Variants in ENPP6 observed in about 807,000 individuals in gnomAD.
The protein encoded by ENPP6 is ectonucleotide pyrophosphatase/phosphodiesterase 6, also known as glycerophosphocholine cholinephosphodiesterase ENPP6.
In ENPP6, 32 loss-of-function variants were observed where a neutral mutation model predicts 42.0. The ratio of observed to expected loss-of-function variants is 0.76; its 90% CI spans 0.58 to 1.02. ENPP6 has a LOEUF of 1.02. ENPP6 is among the 50% of genes least tolerant of loss of function. The pLI, the probability that ENPP6 is intolerant of heterozygous loss-of-function variation, is 0.00. For synonymous variants in ENPP6, 213 were observed against 216.0 expected (o/e 0.99, Z 0.12); for missense variants, 552 against 566.8 (o/e 0.97, Z 0.27).
chr4:184,109,229 AC>A (rs1736158212), intron 6 of ENPP6, among the ~76,000 whole-genome samples: 2 of 139,748 alleles, frequency 1.4e-5, no homozygotes, highest in African/African-American at 5.9e-5. Flanking sequence ...AACAACAACA[AC>A]AACAAAAAAA....
intron 7 of ENPP6, among the ~76,000 whole-genome samples, chr4:184,096,830 G>A (rs549290529): frequency 6.6e-6 from 1 of 152,048 alleles, no homozygotes; most frequent in Non-Finnish European, 1.5e-5. Context: ...TGCTCGAGAC[G>A]GGAAGGACCG....
chr4:184,095,172 C>T (rs1449519831), intron 7 of ENPP6, among the ~76,000 whole-genome samples: 1 of 152,238 alleles, frequency 6.6e-6, no homozygotes, highest in African/African-American at 2.4e-5. Context: ...GCAATTAGCG[C>T]AGTCCATTTT....
chr4:184,177,092 T>C (rs552372226), intron 1 of ENPP6, among the ~76,000 whole-genome samples: 151 of 152,316 alleles, frequency 9.9e-4, no homozygotes, highest in African/African-American at 3.6e-3. Flanking sequence ...GCCACTCGGC[T>C]GGAGACACTG....
At chr4:184,157,702 T>A (rs772868059) in intron 1 of ENPP6, among the ~76,000 whole-genome samples, 13 of 150,708 alleles carry the variant, frequency 8.6e-5, no homozygotes, top group Non-Finnish European at 1.3e-4. Flanking sequence ...AACCTTGACC[T>A]CCCCAGGTTC....
intron 1 of ENPP6, among the ~76,000 whole-genome samples, chr4:184,200,726 G>C (rs528120195): frequency 6.6e-6 from 1 of 152,192 alleles, no homozygotes; most frequent in Non-Finnish European, 1.5e-5. Flanking sequence ...GCAGATAATC[G>C]GCTGGGCAAC....
intron 2 of ENPP6, among the ~76,000 whole-genome samples, chr4:184,137,227 G>A (rs1736743104): frequency 6.6e-6 from 1 of 152,268 alleles, no homozygotes; most frequent in East Asian, 1.9e-4. Flanking sequence ...CTCCTGAGTA[G>A]CTGGGACTAC....
At chr4:184,109,941 G>A (rs1736172013) in intron 6 of ENPP6, among the ~76,000 whole-genome samples, 2 of 152,172 alleles carry the variant, frequency 1.3e-5, no homozygotes, top group South Asian at 4.1e-4. Flanking sequence ...TTTCCTACAG[G>A]GGAGCAGGTA....
intron 1 of ENPP6, among the ~76,000 whole-genome samples, chr4:184,192,160 G>C (rs1732719979): frequency 6.6e-6 from 1 of 152,088 alleles, no homozygotes. Flanking sequence ...CAAGTGACTT[G>C]GAATAGCCAA....
intron 2 of ENPP6, among the ~76,000 whole-genome samples, chr4:184,136,728 C>G (rs1736735366): frequency 6.6e-6 from 1 of 152,190 alleles, no homozygotes; most frequent in Non-Finnish European, 1.5e-5. Flanking sequence ...ATTATTGCCC[C>G]ACTGAACAAT....
chr4:184,146,753 C>A (rs1235955254), intron 2 of ENPP6, among the ~76,000 whole-genome samples: 1 of 152,132 alleles, frequency 6.6e-6, no homozygotes. Flanking sequence ...TGGGATGGGG[C>A]CCTCATCAGA....
chr4:184,122,165 C>T (rs1373895993), intron 3 of ENPP6, among the ~76,000 whole-genome samples: 2 of 152,174 alleles, frequency 1.3e-5, no homozygotes, highest in Non-Finnish European at 2.9e-5. Context: ...TGGTTTCCAT[C>T]CGACCCAGGC....
At chr4:184,099,518 CT>C (rs1166724938) in intron 6 of ENPP6, among the ~76,000 whole-genome samples, 1 of 152,202 alleles carries the variant, frequency 6.6e-6, no homozygotes, top group Non-Finnish European at 1.5e-5. Flanking sequence ...GCAGATGCCC[CT>C]GGCCATGGGG....
At chr4:184,213,099 T>C (rs1011928102) in intron 1 of ENPP6, among the ~76,000 whole-genome samples, 1 of 151,856 alleles carries the variant, frequency 6.6e-6, no homozygotes, top group African/African-American at 2.4e-5. Context: ...CAAGATGGAT[T>C]AAAGACTTAA....
intron 7 of ENPP6, among the ~76,000 whole-genome samples, chr4:184,096,052 T>C (rs1341846182): frequency 1.3e-5 from 2 of 152,192 alleles, no homozygotes; most frequent in Non-Finnish European, 2.9e-5. Flanking sequence ...ATGAATTTGC[T>C]GCTACTGCTT....
At chr4:184,146,298 G>A (rs1736919373) in intron 2 of ENPP6, among the ~76,000 whole-genome samples, 1 of 151,944 alleles carries the variant, frequency 6.6e-6, no homozygotes, top group African/African-American at 2.4e-5. Context: ...GGGCATGGTG[G>A]TGGGTGCTTG....
In ENPP6 at chr4:184,090,332, C is replaced by T. The variant is rs758118105; in HGVS notation, c.*845G>A. ...AGTGGCATGTCTGAGGAAGCCTTTG[C>T]ACAGGTGAACGGACAGGGAAGGCAG... On this transcript the variant is annotated 3_prime_UTR_variant, in exon 8 of 8. Transcript: ENST00000296741. 3 of 152,314 alleles carry T rather than the reference C, an allele frequency of 2.0e-5. No individual in the cohort carries two copies. Among genetic ancestry groups the T allele is most frequent in the Non-Finnish European group, 2.9e-5 (2 of 68,088 alleles). 9.4% of individuals were successfully genotyped at this position (152,314 alleles called of 1,614,324 possible). A position where few individuals can be genotyped will look rare whatever the true frequency, so the allele number is the denominator to read the frequency against.
intron 1 of ENPP6, among the ~76,000 whole-genome samples, chr4:184,213,675 A>C (rs1733153226): frequency 4.7e-5 from 7 of 149,928 alleles, no homozygotes. Flanking sequence ...TGTGGAAGTC[A>C]GTGTGGCAAT....
chr4:184,131,311 T>TTC (rs1560987574), intron 2 of ENPP6, among the ~76,000 whole-genome samples: 2 of 96,980 alleles, frequency 2.1e-5, no homozygotes, highest in Admixed American at 1.3e-4. Flanking sequence ...TTCCTTCCTT[T>TTC]CTCTCTCCTC....
At position 184,135,846 on chromosome 4, in the gene ENPP6, C is replaced by T. The variant is rs186754603; in HGVS notation, c.422-11574G>A. Among the ~76,000 whole-genome samples, 6 of 152,280 alleles carry T rather than the reference C, an allele frequency of 3.9e-5. No homozygotes were observed. In the East Asian group the frequency reaches 1.2e-3, roughly 29 times the overall value. On this transcript the variant is annotated intron_variant, in intron 2 of 7. Transcript: ENST00000296741. ...CACCCAAGGGTGAATACTGTTCTAA[C>T]ACTGCACATTAGCTTCACCTGTTTT...
Sources: gnomAD v4.1 joint callset for allele counts (sites outside exome capture counted in the v4.1 genomes callset) on GRCh38, gnomAD v4.1.1 for gene constraint, MANE v1.5 for transcripts, NCBI Gene and HGNC (gene_info 2026-07-23, HGNC 2026-07-21) for gene names.